The following PIBF1 variants were observed in gnomAD, a reference collection of about 807,000 sequenced individuals.
The protein encoded by PIBF1 is progesterone immunomodulatory binding factor 1, also known as progesterone-induced-blocking factor 1.
Under a neutral mutation model 112.5 loss-of-function variants are expected in PIBF1, and 90 were observed. The observed-to-expected ratio is 0.80, with a 90% CI of 0.67 to 0.95. The LOEUF (loss-of-function observed/expected upper bound fraction) is 0.95. PIBF1 is among the 40% of genes least tolerant of loss of function. The pLI is 0.00. For synonymous variants in PIBF1, 301 were observed against 288.6 expected, an observed-to-expected ratio of 1.04 and a Z score of -0.44; for missense variants, 915 against 852.3, an observed-to-expected ratio of 1.07 and a Z score of -0.92.
intron 17 of PIBF1, among the ~76,000 whole-genome samples, chr13:73,008,362 A>G (rs78919419): frequency 3.1e-4 from 47 of 152,312 alleles, no homozygotes; most frequent in African/African-American, 8.4e-4. Flanking sequence ...ATGTTGCCTG[A>G]TTAGTTAAAA....
At chr13:72,826,512 G>A (rs1205209568) in intron 6 of PIBF1, among the ~76,000 whole-genome samples, 1 of 152,036 alleles carries the variant, frequency 6.6e-6, no homozygotes, top group Non-Finnish European at 1.5e-5. Context: ...AACTTTTTTG[G>A]GGAACTTGTC....
rs148175174 is a variant in PIBF1, at chr13:72,991,598, G to A, written c.2050-7224G>A. ...CTACGTTATAGAATAGTATTGAAAC[G>A]TTTCAGCTGGCCAGATTTGGTGGCT... is the stretch of plus-strand genomic sequence containing the variant. On this transcript the variant is annotated intron_variant, in intron 16 of 17. Transcript: ENST00000326291. Among the ~76,000 whole-genome samples, 1,156 of 152,124 alleles carry A rather than the reference G, an allele frequency of 7.6e-3. 14 individuals carry two copies. The highest frequency in any genetic ancestry group is 0.014 in the Middle Eastern group (4 of 294).
chr13:72,886,450 A>G (rs1046612966), intron 10 of PIBF1, among the ~76,000 whole-genome samples: 3 of 151,764 alleles, frequency 2.0e-5, no homozygotes, highest in Non-Finnish European at 4.4e-5. Context: ...TGTTATAAAA[A>G]TTTTATAACA....
chr13:72,883,573 C>T (rs926299503), intron 10 of PIBF1, among the ~76,000 whole-genome samples: 9 of 152,088 alleles, frequency 5.9e-5, no homozygotes, highest in South Asian at 2.1e-4. Flanking sequence ...TGCAAACCTC[C>T]GCCTCCCAGG....
At chr13:72,802,373 A>G (rs2035528470) in intron 5 of PIBF1, among the ~76,000 whole-genome samples, 1 of 152,146 alleles carries the variant, frequency 6.6e-6, no homozygotes, top group Non-Finnish European at 1.5e-5. Context: ...CTGTAGAGCT[A>G]TAAGGATGGA....
At chr13:72,869,960 T>C (rs2039093885) in intron 10 of PIBF1, among the ~76,000 whole-genome samples, 1 of 152,182 alleles carries the variant, frequency 6.6e-6, no homozygotes. Context: ...GAAAAAGTTA[T>C]CTTTTTTCTT....
chr13:72,835,465 T>A, intron 9 of PIBF1, 97 bp downstream of exon 9: 2 of 883,202 alleles, frequency 2.3e-6, no homozygotes, highest in Non-Finnish European at 3.2e-6. Context: ...TAATGTCTTT[T>A]TTAATACATT....
chr13:72,869,930 GTTTA>G (rs2039092794), intron 10 of PIBF1, among the ~76,000 whole-genome samples: 1 of 151,846 alleles, frequency 6.6e-6, no homozygotes. Flanking sequence ...ATTCTTTTGA[GTTTA>G]TTTAGGTAGA....
rs1373234292 is a variant in PIBF1, at chr13:72,810,142, CTTTATG to C, written c.673-11701_673-11696del. 3.9e-5 allele frequency among the ~76,000 whole-genome samples: 6 copies of C among 152,168 alleles called. No homozygotes were observed. In the South Asian group the frequency reaches 8.3e-4, roughly 21 times the overall value. ...TATGTATATGATCTTGTGTATGGTACTTTATGTTTATAAAAGTGCTTATAGATAACT... is the reference window on the plus strand; with the variant it reads ...TATGTATATGATCTTGTGTATGGTACTTTATAAAAGTGCTTATAGATAACT... On this transcript the variant is annotated intron_variant, in intron 5 of 17. Coordinates refer to ENST00000326291, the MANE Select transcript of PIBF1 (RefSeq NM_006346.4).
intron 16 of PIBF1, among the ~76,000 whole-genome samples, chr13:72,996,545 T>C (rs1446688663): frequency 2.6e-5 from 4 of 152,172 alleles, no homozygotes; most frequent in African/African-American, 9.7e-5. Flanking sequence ...CCCAGCACTT[T>C]GGGAGGCCAA....
At chr13:72,949,932 A>G (rs2042253713) in intron 14 of PIBF1, among the ~76,000 whole-genome samples, 1 of 152,236 alleles carries the variant, frequency 6.6e-6, no homozygotes, top group African/African-American at 2.4e-5. Context: ...AAGAATGATT[A>G]TAAAGGATAC....
In PIBF1 at chr13:73,015,858, T is replaced by C; in HGVS notation, c.2224-11T>C. 6.5e-7 allele frequency: 1 copy of C among 1,545,548 alleles called. No homozygotes were observed. The highest frequency in any genetic ancestry group is 8.8e-7 in the Non-Finnish European group (1 of 1,137,258). Reference sequence around the variant, plus strand: ...CATTTTATTGGATTTTCTTTTTCTTTTTTTAAACAGACTAAAAAAGAAGCA... The same window carrying C: ...CATTTTATTGGATTTTCTTTTTCTTCTTTTAAACAGACTAAAAAAGAAGCA... On this transcript the variant is annotated splice_polypyrimidine_tract_variant and intron_variant, in intron 17 of 17. Coordinates refer to ENST00000326291, the MANE Select transcript of PIBF1 (RefSeq NM_006346.4).
chr13:72,939,863 G>T (rs1169475340), intron 14 of PIBF1, among the ~76,000 whole-genome samples: 1 of 152,050 alleles, frequency 6.6e-6, no homozygotes, highest in African/African-American at 2.4e-5. Flanking sequence ...GAAAGATACT[G>T]CTTCACTCCC....
At chr13:72,947,750 G>A (rs2042188270) in intron 14 of PIBF1, among the ~76,000 whole-genome samples, 1 of 152,014 alleles carries the variant, frequency 6.6e-6, no homozygotes, top group South Asian at 2.1e-4. Context: ...ATACCCAAAG[G>A]ATTATAAATC....
intron 14 of PIBF1, among the ~76,000 whole-genome samples, chr13:72,953,647 G>A (rs2042363073): frequency 6.6e-6 from 1 of 152,154 alleles, no homozygotes; most frequent in Admixed American, 6.6e-5. Flanking sequence ...TGGGCACATG[G>A]ACAGACTCAA....
intron 9 of PIBF1, among the ~76,000 whole-genome samples, chr13:72,851,004 A>G (rs1160586862): frequency 6.6e-6 from 1 of 152,228 alleles, no homozygotes; most frequent in East Asian, 1.9e-4. Context: ...CAACTATTTT[A>G]CTGACAAATC....
At chr13:72,783,353 C>G (rs1644361673) in intron 1 of PIBF1, 70 bp from the exon 2 acceptor site, 1 of 732,188 alleles carries the variant, frequency 1.4e-6, no homozygotes, top group Non-Finnish European at 2.2e-6. Context: ...CTTAGTCTCT[C>G]TTTAATACAG....
chr13:72,888,774 TA>T (rs55817912), intron 10 of PIBF1, among the ~76,000 whole-genome samples: 8,784 of 145,794 alleles, frequency 0.06, 319 homozygotes, highest in Non-Finnish European at 0.089. Flanking sequence ...GCCATTTGTT[TA>T]AAAAAAAAAA....
chr13:72,901,057 A>C (rs2040465064), intron 11 of PIBF1: 2 of 443,848 alleles, frequency 4.5e-6, no homozygotes, highest in Non-Finnish European at 4.5e-6. Flanking sequence ...AACAAACAAA[A>C]GCTAAATAGC....
Sources: gnomAD v4.1 joint callset for allele counts (sites outside exome capture counted in the v4.1 genomes callset) on GRCh38, gnomAD v4.1.1 for gene constraint, MANE v1.5 for transcripts, NCBI Gene and HGNC (gene_info 2026-07-23, HGNC 2026-07-21) for gene names.